The following OR1B1 variants were observed in gnomAD, a reference collection of about 807,000 sequenced individuals.
The protein encoded by OR1B1 is olfactory receptor 1B1.
For missense variants in OR1B1, 414 were observed against 402.1 expected, an observed-to-expected ratio of 1.03 and a Z score of -0.25; for synonymous variants, 168 against 156.2, an observed-to-expected ratio of 1.08 and a Z score of -0.57.
chr9:122,650,980 G>A, the OR1B1 span, among the ~76,000 whole-genome samples: 3 of 151,440 alleles, frequency 2.0e-5, no homozygotes, highest in South Asian at 2.1e-4. Context: ...AGCCAAGATC[G>A]CGCTACTGCA....
chr9:122,644,807 T>C, the OR1B1 span, among the ~76,000 whole-genome samples: 3 of 152,134 alleles, frequency 2.0e-5, no homozygotes, highest in Non-Finnish European at 2.9e-5. Context: ...CCTGGAGAGC[T>C]TTCCCAAGGA....
the OR1B1 span, among the ~76,000 whole-genome samples, chr9:122,645,643 T>C: frequency 6.6e-6 from 1 of 152,032 alleles, no homozygotes; most frequent in South Asian, 2.1e-4. Flanking sequence ...TTTAAAGTAC[T>C]GTAGGAAAAA....
chr9:122,655,656 G>C, the OR1B1 span, among the ~76,000 whole-genome samples: 1 of 149,396 alleles, frequency 6.7e-6, no homozygotes, highest in African/African-American at 2.5e-5. Context: ...CATGGACACA[G>C]GGAGGGGAAT....
At chr9:122,628,930 C>A (rs1830170837) in exon 1 of OR1B1, 1 of 1,614,108 alleles carries the variant, frequency 6.2e-7, no homozygotes, top group Non-Finnish European at 8.5e-7. Flanking sequence ...ATATGGCCAG[C>A]TCATTAGAAT....
At chr9:122,634,546 G>A (rs1277423716), upstream of OR1B1, among the ~76,000 whole-genome samples, 1 of 151,858 alleles carries the variant, frequency 6.6e-6, no homozygotes, top group African/African-American at 2.4e-5. Flanking sequence ...AATGCAGGGG[G>A]AACTGCCCCT....
the OR1B1 span, among the ~76,000 whole-genome samples, chr9:122,640,616 T>G: frequency 6.6e-6 from 1 of 152,108 alleles, no homozygotes; most frequent in African/African-American, 2.4e-5. Context: ...TTTAAACAAT[T>G]TGTAAGAGCA....
chr9:122,638,054 G>A, the OR1B1 span, among the ~76,000 whole-genome samples: 1 of 152,088 alleles, frequency 6.6e-6, no homozygotes, highest in East Asian at 1.9e-4. Flanking sequence ...ATGTTAACTG[G>A]GAAAGGCCCG....
upstream of OR1B1, among the ~76,000 whole-genome samples, chr9:122,632,102 A>G (rs1424436881): frequency 6.6e-6 from 1 of 152,196 alleles, no homozygotes; most frequent in Non-Finnish European, 1.5e-5. Flanking sequence ...GAAATCCACC[A>G]AAGATGAGCT....
At chr9:122,629,703 C>T (rs1006496022), upstream of OR1B1, 24 of 529,078 alleles carry the variant, frequency 4.5e-5, no homozygotes, top group Non-Finnish European at 6.6e-5. Flanking sequence ...TCTAGGATTT[C>T]GCTTCCTTAA....
chr9:122,636,261 TAC>T, the OR1B1 span, among the ~76,000 whole-genome samples: 1 of 152,206 alleles, frequency 6.6e-6, no homozygotes, highest in Admixed American at 6.5e-5. Context: ...CATGTGTGTA[TAC>T]ACACACATAT....
downstream of OR1B1, chr9:122,628,511 A>G: frequency 6.3e-6 from 7 of 1,114,584 alleles, no homozygotes; most frequent in Non-Finnish European, 9.2e-6. Flanking sequence ...GATCTCCCCA[A>G]AACCAACTCT....
At chr9:122,628,999 G>T (rs1254754494) in exon 1 of OR1B1, 2 of 1,614,048 alleles carry the variant, frequency 1.2e-6, no homozygotes, top group East Asian at 2.2e-5. Context: ...AGTGAGGAAG[G>T]TTAACGTTGC....
chr9:122,645,255 A>G, the OR1B1 span, among the ~76,000 whole-genome samples: 1 of 152,208 alleles, frequency 6.6e-6, no homozygotes, highest in African/African-American at 2.4e-5. Flanking sequence ...GACAAAAGAA[A>G]AAAAAACAGA....
chr9:122,645,316 G>C, the OR1B1 span, among the ~76,000 whole-genome samples: 1 of 152,046 alleles, frequency 6.6e-6, no homozygotes, highest in Admixed American at 6.5e-5. Flanking sequence ...ACCAGTTACA[G>C]AGTTTTGCTC....
the OR1B1 span, among the ~76,000 whole-genome samples, chr9:122,637,958 A>G: frequency 2.0e-5 from 3 of 152,230 alleles, no homozygotes; most frequent in African/African-American, 7.2e-5. Flanking sequence ...ATAACTCTAC[A>G]TAAATATTTT....
chr9:122,638,459 A>G, the OR1B1 span, among the ~76,000 whole-genome samples: 2 of 152,152 alleles, frequency 1.3e-5, no homozygotes, highest in East Asian at 3.8e-4. Context: ...AGTGGTTTTT[A>G]TTATTGATGC....
chr9:122,635,030 A>G, the OR1B1 span, among the ~76,000 whole-genome samples: 1 of 152,178 alleles, frequency 6.6e-6, no homozygotes, highest in Non-Finnish European at 1.5e-5. Flanking sequence ...TCTCCTGGGT[A>G]TACACCCGAA....
the OR1B1 span, among the ~76,000 whole-genome samples, chr9:122,641,264 A>T: frequency 6.6e-6 from 1 of 152,226 alleles, no homozygotes; most frequent in African/African-American, 2.4e-5. Flanking sequence ...ATGTGTGTAT[A>T]AGCCCTATAT....
upstream of OR1B1, among the ~76,000 whole-genome samples, chr9:122,633,118 C>T (rs1481324977): frequency 1.3e-5 from 2 of 152,142 alleles, no homozygotes; most frequent in African/African-American, 4.8e-5. Flanking sequence ...CCTCCCTGAA[C>T]ACATAGGAAT....
Sources: allele counts gnomAD v4.1 joint callset (sites outside exome capture counted in the v4.1 genomes callset), GRCh38; gene constraint gnomAD v4.1.1; transcripts MANE v1.5; gene names NCBI Gene and HGNC (gene_info 2026-07-23, HGNC 2026-07-21).